The following ITGAM variants were observed in gnomAD, a reference collection of about 807,000 sequenced individuals.
ITGAM encodes integrin subunit alpha M.
Under a neutral mutation model 137.5 loss-of-function variants are expected in ITGAM, and 79 were observed. The ratio of observed to expected loss-of-function variants is 0.57; its 90% CI spans 0.48 to 0.69. The LOEUF is 0.69. ITGAM is among the 30% of genes least tolerant of loss of function. The pLI is 0.00. For missense variants in ITGAM, 1,343 were observed against 1,483.5 expected, an observed-to-expected ratio of 0.91 and a Z score of 1.56; for synonymous variants, 583 against 592.3, an observed-to-expected ratio of 0.98 and a Z score of 0.23.
intron 14 of ITGAM, among the ~76,000 whole-genome samples, chr16:31,312,466 A>G (rs1215914795): frequency 6.6e-6 from 1 of 152,142 alleles, no homozygotes. Context: ...TTGGTCTGTC[A>G]TGCAGGCTGG....
intron 12 of ITGAM, among the ~76,000 whole-genome samples, chr16:31,282,919 G>A (rs1338973127): frequency 1.3e-5 from 2 of 152,152 alleles, no homozygotes; most frequent in East Asian, 1.9e-4. Flanking sequence ...GCCTGGTGGT[G>A]ACAAAATCTC....
chr16:31,289,420 C>T (rs1318153445), intron 12 of ITGAM, among the ~76,000 whole-genome samples: 1 of 152,092 alleles, frequency 6.6e-6, no homozygotes, highest in Admixed American at 6.5e-5. Context: ...GAATACTATG[C>T]AGCCATAAAA....
chr16:31,331,894 CATG>C lies in ITGAM; in HGVS notation c.*188_*190del. ...AAGTGTCTGTGTGCAAGTGTGTGCA[CATG>C]TGTGCGTGTGCGTGCATGTGCACTT... On this transcript the variant is annotated 3_prime_UTR_variant, in exon 30 of 30. Coordinates refer to ENST00000544665, the MANE Select transcript of ITGAM (RefSeq NM_000632.4). 1 of 584,742 alleles carries C rather than the reference CATG, an allele frequency of 1.7e-6. No individual in the cohort carries two copies. Among genetic ancestry groups the C allele is most frequent in the Non-Finnish European group, 3.0e-6 (1 of 330,986 alleles). 36.2% of individuals were successfully genotyped at this position (584,742 alleles called of 1,614,324 possible).
intron 14 of ITGAM, among the ~76,000 whole-genome samples, chr16:31,302,976 CTTT>C (rs2080229186): frequency 1.1e-5 from 1 of 94,764 alleles, no homozygotes; most frequent in Non-Finnish European, 2.2e-5. Context: ...TTCTTTCTTT[CTTT>C]CTTTCTTTCT....
intron 12 of ITGAM, among the ~76,000 whole-genome samples, chr16:31,291,513 C>T (rs7198540): frequency 0.057 from 8,606 of 152,098 alleles, 841 homozygotes; most frequent in African/African-American, 0.2. Context: ...CATTGTTTGT[C>T]TTTTCGATAA....
rs112530890 is a variant in ITGAM at position 31,286,180 on chromosome 16, A to AT, written c.1356+8082dup. On this transcript the variant is annotated intron_variant, in intron 12 of 29. Coordinates refer to ENST00000544665, the MANE Select transcript of ITGAM (RefSeq NM_000632.4). ...CATGTTGCCGCAAAGGATGTGATTC[A>AT]TTTTTTTTTTTATGGTGGCGTAGTA... is the stretch of plus-strand genomic sequence containing the variant. 1.7e-3 allele frequency among the ~76,000 whole-genome samples: 245 copies of AT among 147,152 alleles called. 1 individual carries two copies. The highest frequency in any genetic ancestry group is 4.2e-3 in the African/African-American group (170 of 40,624).
chr16:31,323,898 A>G (rs2080475926), intron 16 of ITGAM, among the ~76,000 whole-genome samples: 2 of 152,078 alleles, frequency 1.3e-5, no homozygotes, highest in South Asian at 4.1e-4. Context: ...CTATAATCCC[A>G]GCTACTTGGG....
intron 8 of ITGAM, among the ~76,000 whole-genome samples, chr16:31,274,334 G>A (rs1266679940): frequency 1.3e-5 from 2 of 152,222 alleles, no homozygotes; most frequent in Admixed American, 6.5e-5. Flanking sequence ...AGAGGAGAAA[G>A]GATGAATGAA....
At chr16:31,326,712 T>C in intron 21 of ITGAM, 144 bp from the exon 22 acceptor site, 1 of 657,602 alleles carries the variant, frequency 1.5e-6, no homozygotes, top group Non-Finnish European at 2.7e-6. Flanking sequence ...CCACCGCACC[T>C]GGCCTTCATT....
chr16:31,304,493 T>C (rs1597016846), intron 14 of ITGAM, among the ~76,000 whole-genome samples: 1 of 152,096 alleles, frequency 6.6e-6, no homozygotes, highest in African/African-American at 2.4e-5. Context: ...ATTGGTTTTG[T>C]TGCATTTGCT....
chr16:31,295,618 A>G (rs2144373107), intron 12 of ITGAM, among the ~76,000 whole-genome samples: 1 of 150,200 alleles, frequency 6.7e-6, no homozygotes, highest in East Asian at 1.9e-4. Context: ...TTTTAAAAAT[A>G]TATTTATATA....
At chr16:31,315,843 A>G (rs1037668068) in intron 14 of ITGAM, among the ~76,000 whole-genome samples, 2 of 152,126 alleles carry the variant, frequency 1.3e-5, no homozygotes, top group African/African-American at 4.8e-5. Context: ...TCTTAACACC[A>G]TTTGTTAAAA....
rs1001138755 is a variant in ITGAM, at chr16:31,331,250, C to G, written c.3362C>G (p.Ala1121Gly). 3 of 1,611,288 alleles carry G rather than the reference C, an allele frequency of 1.9e-6. No individual in the cohort carries two copies. Among genetic ancestry groups the G allele is most frequent in the East Asian group, 2.2e-5 (1 of 44,736 alleles). ...TCTGTCGGGGGACTGCTGCTCCTGGCCCTCATCACCGCCGCGCTGTACAAG... is the reference window on the plus strand; with the variant it reads ...TCTGTCGGGGGACTGCTGCTCCTGGGCCTCATCACCGCCGCGCTGTACAAG... ...GSSVGGLLLL[A>G]LITAALYKLG... is the part of the protein sequence containing the mutation. The change falls in exon 29 of 30, where the codon GCC becomes GGC. Residue 1121 changes from alanine to glycine, a missense_variant. Coordinates refer to ENST00000544665, the MANE Select transcript of ITGAM (RefSeq NM_000632.4).
chr16:31,329,186 C>T, intron 23 of ITGAM, 42 bp from the exon 24 acceptor site: 4 of 1,363,602 alleles, frequency 2.9e-6, no homozygotes, highest in Non-Finnish European at 4.2e-6. Flanking sequence ...CCAGGGCACC[C>T]CTCATGTTTT....
intron 12 of ITGAM, among the ~76,000 whole-genome samples, chr16:31,278,375 C>A (rs529787478): frequency 1.3e-5 from 2 of 152,254 alleles, no homozygotes; most frequent in Admixed American, 6.5e-5. Flanking sequence ...CGTATATAAC[C>A]AGGATAGCCA....
chr16:31,330,701 G>A, intron 28 of ITGAM, 96 bp downstream of exon 28: 1 of 860,380 alleles, frequency 1.2e-6, no homozygotes, highest in East Asian at 2.7e-5. Context: ...GAGAGAGGGA[G>A]AGAGAGAGAC....
Position 31,275,283 on chromosome 16 carries a change from C to T in ITGAM, c.859-266C>T, listed in dbSNP as rs572228150. The stretch of plus-strand genomic sequence containing the variant: ...TATAAAGAAAAAGGCTCCCCTTCCT[C>T]TAGGGGGAGGTCAGCTCCATACCAG... On this transcript the variant is annotated intron_variant, in intron 8 of 29. Transcript: ENST00000544665. Among the ~76,000 whole-genome samples, 13 of 152,302 alleles carry T rather than the reference C, an allele frequency of 8.5e-5. No individual in the cohort carries two copies. In the East Asian group the frequency reaches 2.5e-3, roughly 29 times the overall value.
At chr16:31,287,217 T>G (rs985002842) in intron 12 of ITGAM, among the ~76,000 whole-genome samples, 2 of 152,198 alleles carry the variant, frequency 1.3e-5, no homozygotes, top group Admixed American at 6.5e-5. Context: ...TTCTGGGCTC[T>G]CTGTTCTATT....
At chr16:31,302,499 T>TTTTTTCTTTCC (rs2080217250) in intron 14 of ITGAM, among the ~76,000 whole-genome samples, 1 of 146,668 alleles carries the variant, frequency 6.8e-6, no homozygotes, top group Non-Finnish European at 1.5e-5. Flanking sequence ...TCTTTCCTTC[T>TTTTTTCTTTCC]TTCTTTCTTT....
Sources: gnomAD v4.1 joint callset for allele counts (sites outside exome capture counted in the v4.1 genomes callset) on GRCh38, gnomAD v4.1.1 for gene constraint, MANE v1.5 for transcripts, NCBI Gene and HGNC (gene_info 2026-07-23, HGNC 2026-07-21) for gene names.